PPP2R2A: variants seen among roughly 807,000 people sequenced by gnomAD.
PPP2R2A encodes the protein protein phosphatase 2 regulatory subunit Balpha.
In PPP2R2A, 9 loss-of-function variants were observed where a neutral mutation model predicts 53.2. That is an observed-to-expected ratio of 0.17 (90% CI 0.10 to 0.30). The LOEUF (loss-of-function observed/expected upper bound fraction) is 0.30, where lower values mean the gene tolerates loss of function less well. Ranked by LOEUF, PPP2R2A falls within the 10% of genes least tolerant of loss-of-function variation. The pLI, the probability that PPP2R2A is intolerant of heterozygous loss-of-function variation, is 1.00. For synonymous variants in PPP2R2A, 169 were observed against 174.2 expected, an observed-to-expected ratio of 0.97 and a Z score of 0.23; for missense variants, 235 against 534.6, an observed-to-expected ratio of 0.44 and a Z score of 5.53.
At chr8:26,359,397 ACCATGGT>A (rs1281445366) in intron 4 of PPP2R2A, among the ~76,000 whole-genome samples, 2 of 152,202 alleles carry the variant, frequency 1.3e-5, no homozygotes, top group African/African-American at 4.8e-5. Flanking sequence ...TGACACACGT[ACCATGGT>A]TGCGTAAGAT....
intron 3 of PPP2R2A, among the ~76,000 whole-genome samples, 156 bp downstream of exon 3, chr8:26,339,143 A>T (rs1183458255): frequency 6.6e-6 from 1 of 152,186 alleles, no homozygotes; most frequent in African/African-American, 2.4e-5. Flanking sequence ...TGGTTCTCTT[A>T]GCTTTGTATG....
intron 1 of PPP2R2A, 70 bp from the exon 2 acceptor site, chr8:26,293,583 GCCAACCATGGATA>G: frequency 7.4e-7 from 1 of 1,349,588 alleles, no homozygotes; most frequent in South Asian, 1.3e-5. Context: ...TTAGTATCAT[GCCAACCATGGATA>G]CCATCTTTGT....
rs1370271894 is a variant in PPP2R2A, at chr8:26,371,600, CACTG to C, written c.*1188_*1191del. On this transcript the variant is annotated 3_prime_UTR_variant, in exon 10 of 10. Transcript: ENST00000380737. ...ATAGCAGAAAACTAACATCAAGTGA[CACTG>C]CACTAAATACTTTTTTTGTATTTTA... 6.6e-6 allele frequency: 1 copy of C among 152,124 alleles called. No individual in the cohort carries two copies. The highest frequency in any genetic ancestry group is 2.4e-5 in the African/African-American group (1 of 41,442). 9.4% of individuals were successfully genotyped at this position (152,124 alleles called of 1,614,324 possible).
chr8:26,352,846 C>T (rs1381663559), intron 3 of PPP2R2A, among the ~76,000 whole-genome samples: 1 of 152,132 alleles, frequency 6.6e-6, no homozygotes. Context: ...ATATTGCTTA[C>T]CTTAATTGTG....
chr8:26,293,106 C>A, intron 1 of PPP2R2A: 1 of 777,180 alleles, frequency 1.3e-6, no homozygotes, highest in Non-Finnish European at 2.0e-6. Flanking sequence ...TCTTTAGCAG[C>A]ATTCATTTCG....
At chr8:26,352,294 CTTTG>C (rs990743544) in intron 3 of PPP2R2A, among the ~76,000 whole-genome samples, 8 of 152,146 alleles carry the variant, frequency 5.3e-5, no homozygotes, top group Admixed American at 3.3e-4. Context: ...GCTCACTGTA[CTTTG>C]TTTGTGCAGG....
At chr8:26,299,974 C>T (rs1238043993) in intron 2 of PPP2R2A, among the ~76,000 whole-genome samples, 1 of 152,194 alleles carries the variant, frequency 6.6e-6, no homozygotes, top group Non-Finnish European at 1.5e-5. Context: ...ACTAGCATTA[C>T]TACTGAAGTC....
rs1802826930 is a variant in PPP2R2A, at chr8:26,321,293, CAA to C, written c.83-17596_83-17595del. On this transcript the variant is annotated intron_variant, in intron 2 of 9. Coordinates refer to ENST00000380737, the MANE Select transcript of PPP2R2A (RefSeq NM_002717.4). This position sits in a 1 kb window ranked among gnomAD's most constrained non-coding sequence, Gnocchi z 4.1. The stretch of plus-strand genomic sequence containing the variant: ...GGATTGAAAACTAAATGGCTCTTAC[CAA>C]GAGAAATGTGACCAGAGAAATGTGA... 6.6e-6 allele frequency among the ~76,000 whole-genome samples: 1 copy of C among 151,556 alleles called. No homozygotes were observed. The highest frequency in any genetic ancestry group is 1.5e-5 in the Non-Finnish European group (1 of 67,814).
In PPP2R2A at chr8:26,366,310, C is replaced by G; in HGVS notation, c.973-5C>G. 6.3e-7 allele frequency: 1 copy of G among 1,590,776 alleles called. No individual in the cohort carries two copies. The highest frequency in any genetic ancestry group is 1.2e-5 in the South Asian group (1 of 85,958). On this transcript the variant is annotated splice_polypyrimidine_tract_variant and splice_region_variant and intron_variant, in intron 8 of 9. Transcript: ENST00000380737. ...CAGTGCAGTATATTTGTATTTTTCC[C>G]CCAGGTGCATGAATACCTCAGAAGT...
chr8:26,306,325 A>G (rs1295505711), intron 2 of PPP2R2A, among the ~76,000 whole-genome samples: 1 of 151,728 alleles, frequency 6.6e-6, no homozygotes, highest in African/African-American at 2.4e-5. Flanking sequence ...AAAGTACAAA[A>G]ATTAGCTGGG....
At chr8:26,363,293 A>T (rs1470147845) in intron 7 of PPP2R2A, 1 of 162,916 alleles carries the variant, frequency 6.1e-6, no homozygotes, top group Non-Finnish European at 1.3e-5. Flanking sequence ...ACTCATGAAA[A>T]TTGATACATG....
At chr8:26,346,860 A>G (rs1804246354) in intron 3 of PPP2R2A, among the ~76,000 whole-genome samples, 1 of 152,308 alleles carries the variant, frequency 6.6e-6, no homozygotes, top group Non-Finnish European at 1.5e-5. Context: ...GACATTGAAG[A>G]CTATCTGATC....
intron 1 of PPP2R2A, chr8:26,292,200 G>A (rs1232150148): frequency 1.8e-6 from 2 of 1,109,870 alleles, no homozygotes; most frequent in Non-Finnish European, 2.2e-6. Flanking sequence ...TTTTTTTCCT[G>A]CAGGTCTTCA....
At chr8:26,298,125 T>C (rs765620828) in intron 2 of PPP2R2A, among the ~76,000 whole-genome samples, 56 of 152,256 alleles carry the variant, frequency 3.7e-4, no homozygotes, top group Non-Finnish European at 8.8e-5. Context: ...CCTTGTGGGC[T>C]ATCTTGACTG....
At chr8:26,335,402 A>G (rs778169991) in intron 2 of PPP2R2A, among the ~76,000 whole-genome samples, 13 of 152,220 alleles carry the variant, frequency 8.5e-5, no homozygotes, top group Admixed American at 2.0e-4. Flanking sequence ...ACCATGACGT[A>G]GTGATATATT....
intron 3 of PPP2R2A, among the ~76,000 whole-genome samples, chr8:26,341,315 A>G (rs1370044131): frequency 1.3e-5 from 2 of 152,140 alleles, no homozygotes; most frequent in Non-Finnish European, 2.9e-5. Flanking sequence ...TTCAGAATCT[A>G]TGTCATTGGT....
At position 26,370,757 on chromosome 8, in the gene PPP2R2A, T is replaced by G. The variant is rs1042516496; in HGVS notation, c.*344T>G. Reference sequence around the variant, plus strand: ...ATGACGTCAAACACAGTGAAAGCCTTCAGTCATGCTATGGGATTTAATTGT... The same window carrying G: ...ATGACGTCAAACACAGTGAAAGCCTGCAGTCATGCTATGGGATTTAATTGT... On this transcript the variant is annotated 3_prime_UTR_variant, in exon 10 of 10. Coordinates refer to ENST00000380737, the MANE Select transcript of PPP2R2A (RefSeq NM_002717.4). The surrounding 1 kb of genome is among the most constrained non-coding windows in gnomAD (Gnocchi z 6.1). The G allele has an allele frequency of 3.4e-6, 1 of 294,010 alleles. No individual in the cohort carries two copies. Among genetic ancestry groups the G allele is most frequent in the African/African-American group, 2.1e-5 (1 of 46,598 alleles). The allele number at this position is 294,010 out of a possible 1,614,324, so 18.2% of individuals were successfully genotyped here.
chr8:26,326,605 A>G (rs1393476105), intron 2 of PPP2R2A, among the ~76,000 whole-genome samples: 2 of 152,184 alleles, frequency 1.3e-5, no homozygotes, highest in Admixed American at 1.3e-4. Context: ...GGAGATATTA[A>G]TAGCCAGATA....
At position 26,332,830 on chromosome 8, in the gene PPP2R2A, A is replaced by G. The variant is rs558225890; in HGVS notation, c.83-6060A>G. Among the ~76,000 whole-genome samples the G allele has an allele frequency of 8.5e-5, 13 of 152,366 alleles. No homozygotes were observed. In the South Asian group the frequency reaches 1.4e-3, roughly 17 times the overall value. ...ACATTTTGACAATGAAAAAGAGGCA[A>G]TAAACTGAATACTTACACATTATCC... On this transcript the variant is annotated intron_variant, in intron 2 of 9. Transcript: ENST00000380737.
Sources: allele counts gnomAD v4.1 joint callset (sites outside exome capture counted in the v4.1 genomes callset), GRCh38; gene constraint gnomAD v4.1.1; non-coding constraint Gnocchi (gnomAD v3.1); transcripts MANE v1.5; gene names NCBI Gene and HGNC (gene_info 2026-07-23, HGNC 2026-07-21).